The following STK31 variants were observed in gnomAD, a reference collection of about 807,000 sequenced individuals.
STK31 encodes serine/threonine kinase 31.
STK31 carries 89 observed loss-of-function variants against 129.7 expected under a neutral mutation model. The ratio of observed to expected loss-of-function variants is 0.69; its 90% CI spans 0.58 to 0.82. STK31 has a LOEUF of 0.82. STK31 is among the 40% of genes least tolerant of loss of function. The probability of loss-of-function intolerance (pLI) is 0.00; values close to 1 mark genes in which losing one functional copy is unlikely to be tolerated. For missense variants in STK31, 1,187 were observed against 1,176.4 expected (o/e 1.01, Z -0.13); for synonymous variants, 448 against 395.3 (o/e 1.13, Z -1.58).
At chr7:23,734,930 A>T (rs1251375955) in intron 6 of STK31, among the ~76,000 whole-genome samples, 1 of 152,166 alleles carries the variant, frequency 6.6e-6, no homozygotes, top group Non-Finnish European at 1.5e-5. Flanking sequence ...GTGCCACTGC[A>T]CTCCAGCCTG....
chr7:23,781,900 A>G (rs962830201), intron 16 of STK31, among the ~76,000 whole-genome samples: 77 of 152,312 alleles, frequency 5.1e-4, no homozygotes, highest in African/African-American at 1.8e-3. Context: ...TTTAACATAA[A>G]ACCTAAAGAC....
chr7:23,792,277 T>G (rs988476868), intron 22 of STK31, among the ~76,000 whole-genome samples: 1 of 152,218 alleles, frequency 6.6e-6, no homozygotes, highest in African/African-American at 2.4e-5. Flanking sequence ...CAAATGAGTT[T>G]AGAAAGATAG....
chr7:23,764,070 C>T (rs1388522350), intron 11 of STK31, among the ~76,000 whole-genome samples: 1 of 152,170 alleles, frequency 6.6e-6, no homozygotes, highest in Non-Finnish European at 1.5e-5. Flanking sequence ...TTTGATGATG[C>T]ACCACATGGC....
intron 15 of STK31, among the ~76,000 whole-genome samples, chr7:23,779,876 G>A (rs1790805017): frequency 6.6e-6 from 1 of 152,182 alleles, no homozygotes; most frequent in Non-Finnish European, 1.5e-5. Context: ...CCAGGTGCAA[G>A]GGGGGTATGA....
At chr7:23,724,474 A>G (rs1786932112) in intron 4 of STK31, among the ~76,000 whole-genome samples, 1 of 152,224 alleles carries the variant, frequency 6.6e-6, no homozygotes, top group South Asian at 2.1e-4. Context: ...TAGAGTAAAA[A>G]CAAGGTTAGG....
At chr7:23,780,413 T>G (rs1790849384) in intron 15 of STK31, among the ~76,000 whole-genome samples, 1 of 152,188 alleles carries the variant, frequency 6.6e-6, no homozygotes, top group Admixed American at 6.5e-5. Context: ...GGCAGGTCTG[T>G]GCCTTTCTCA....
At chr7:23,805,599 T>C (rs1462816602) in intron 22 of STK31, among the ~76,000 whole-genome samples, 2 of 152,154 alleles carry the variant, frequency 1.3e-5, no homozygotes, top group Non-Finnish European at 2.9e-5. Context: ...TCCTCCTGCC[T>C]TAGCCCCCTG....
intron 8 of STK31, among the ~76,000 whole-genome samples, chr7:23,739,590 G>T (rs938348756): frequency 1.3e-5 from 2 of 152,102 alleles, no homozygotes; most frequent in African/African-American, 2.4e-5. Flanking sequence ...GTTCTTCTAG[G>T]GTTTTTACTG....
intron 23 of STK31, among the ~76,000 whole-genome samples, chr7:23,823,938 T>C (rs182845940): frequency 6.6e-6 from 1 of 152,320 alleles, no homozygotes; most frequent in East Asian, 1.9e-4. Flanking sequence ...GAGGCCTCTG[T>C]TCTGTTCCAT....
chr7:23,799,164 C>G (rs191174837), intron 22 of STK31, among the ~76,000 whole-genome samples: 80 of 152,296 alleles, frequency 5.3e-4, no homozygotes, highest in African/African-American at 1.9e-3. Flanking sequence ...AAGGGCCATA[C>G]TACTCAAAGT....
intron 8 of STK31, among the ~76,000 whole-genome samples, chr7:23,745,496 C>T (rs1317067026): frequency 1.3e-5 from 2 of 152,160 alleles, no homozygotes; most frequent in East Asian, 3.9e-4. Flanking sequence ...TACATTTGCT[C>T]CAGTGGAGGC....
At chr7:23,711,907 A>T (rs977818236) in intron 1 of STK31, among the ~76,000 whole-genome samples, 192 bp from the exon 2 acceptor site, 9 of 151,830 alleles carry the variant, frequency 5.9e-5, no homozygotes, top group African/African-American at 2.2e-4. Flanking sequence ...ATATGATAAA[A>T]TTGCATCTAC....
chr7:23,752,772 C>T lies in STK31; in HGVS notation c.1073C>T (p.Thr358Ile). ...LTNHLEYTLK[T>I]YIDTRMKNLA... The stretch of plus-strand genomic sequence containing the variant: ...AACCACTTAGAATACACTCTGAAGA[C>T]CTATATAGATACCAGAATGAAAAAT... Residue 358 changes from threonine to isoleucine, a missense_variant, in exon 9 of 24, where the codon ACC (threonine) becomes ATC (isoleucine). By Grantham distance (89) the Thr-to-Ile change is moderately conservative. Transcript: ENST00000355870. 6.2e-7 allele frequency: 1 copy of T among 1,613,568 alleles called. No homozygotes were observed. The highest frequency in any genetic ancestry group is 8.5e-7 in the Non-Finnish European group (1 of 1,179,828).
rs753767449 is a variant in STK31 at position 23,752,782 on chromosome 7, T to TA, written c.1084dup (p.Thr362AsnfsTer9). On this transcript the variant is annotated frameshift_variant, in exon 9 of 24. Transcript: ENST00000355870. LOFTEE classifies it high-confidence loss of function. ...AATACACTCTGAAGACCTATATAGA[T>TA]ACCAGAATGAAAAATCTGGCAGCTA... 18 of 1,613,498 alleles carry TA rather than the reference T, an allele frequency of 1.1e-5. No individual in the cohort carries two copies. In the Admixed American group the frequency reaches 3.0e-4, roughly 27 times the overall value.
Position 23,764,766 on chromosome 7 carries a change from C to T in STK31, c.1416+1843C>T, listed in dbSNP as rs1258384128. 6.6e-5 allele frequency among the ~76,000 whole-genome samples: 10 copies of T among 152,086 alleles called. No individual in the cohort carries two copies. In the East Asian group the frequency reaches 1.7e-3, roughly 26 times the overall value. On this transcript the variant is annotated intron_variant, in intron 11 of 23. Transcript: ENST00000355870. ...TTGGTTCTTGTTCAAAGTATTTCAGCGCCACATTGTTGGGTGTTAAGGTAT... is the reference window on the plus strand; with the variant it reads ...TTGGTTCTTGTTCAAAGTATTTCAGTGCCACATTGTTGGGTGTTAAGGTAT...
chr7:23,815,087 C>A, intron 22 of STK31, 57 bp from the exon 23 acceptor site: 1 of 1,293,930 alleles, frequency 7.7e-7, no homozygotes, highest in Non-Finnish European at 1.1e-6. Flanking sequence ...GTTGACTCTT[C>A]TATAGATTGG....
intron 11 of STK31, among the ~76,000 whole-genome samples, chr7:23,764,039 C>T (rs1363688872): frequency 6.6e-6 from 1 of 152,108 alleles, no homozygotes; most frequent in African/African-American, 2.4e-5. Context: ...TTCTTTCTGT[C>T]CTGCTGGATG....
intron 6 of STK31, among the ~76,000 whole-genome samples, chr7:23,731,569 A>G (rs1031522992): frequency 6.6e-6 from 1 of 152,224 alleles, no homozygotes; most frequent in Non-Finnish European, 1.5e-5. Flanking sequence ...GCAGGGATTC[A>G]GTAACAACAC....
intron 8 of STK31, among the ~76,000 whole-genome samples, chr7:23,745,124 G>C (rs966028327): frequency 6.6e-6 from 1 of 152,248 alleles, no homozygotes; most frequent in Admixed American, 6.5e-5. Context: ...GGTAGCATGT[G>C]CAAGTGGATG....
Sources: gnomAD v4.1 joint callset for allele counts (sites outside exome capture counted in the v4.1 genomes callset) on GRCh38, gnomAD v4.1.1 for gene constraint, MANE v1.5 for transcripts, NCBI Gene and HGNC (gene_info 2026-07-23, HGNC 2026-07-21) for gene names.